The following TBC1D9 variants were observed in gnomAD, a reference collection of about 807,000 sequenced individuals.
TBC1D9 encodes the protein TBC1 domain family member 9.
A neutral mutation model predicts 132.0 loss-of-function variants in TBC1D9; 63 were observed. The observed-to-expected ratio is 0.48, with a 90% CI of 0.39 to 0.59. The LOEUF (loss-of-function observed/expected upper bound fraction) is 0.59, where lower values mean the gene tolerates loss of function less well. TBC1D9 is among the 20% of genes least tolerant of loss of function. The probability of loss-of-function intolerance (pLI) is 0.00; values close to 1 mark genes in which losing one functional copy is unlikely to be tolerated. For synonymous variants in TBC1D9, 610 were observed against 609.9 expected, an observed-to-expected ratio of 1.00 and a Z score of 0.00; for missense variants, 1,261 against 1,592.7, an observed-to-expected ratio of 0.79 and a Z score of 3.54.
intron 2 of TBC1D9, among the ~76,000 whole-genome samples, chr4:140,700,469 A>C (rs1164988573): frequency 6.6e-6 from 1 of 151,658 alleles, no homozygotes; most frequent in Non-Finnish European, 1.5e-5. Flanking sequence ...ACAAAAAAAA[A>C]CTTGCCCAGT....
chr4:140,738,739 C>A (rs1214125837), intron 1 of TBC1D9, among the ~76,000 whole-genome samples: 1 of 152,176 alleles, frequency 6.6e-6, no homozygotes, highest in Non-Finnish European at 1.5e-5. Context: ...GTCTTCCAGT[C>A]AAATGTCCAA....
At chr4:140,666,579 C>G (rs905417375) in intron 9 of TBC1D9, among the ~76,000 whole-genome samples, 2 of 151,928 alleles carry the variant, frequency 1.3e-5, no homozygotes, top group African/African-American at 2.4e-5. Context: ...ACCTCGTGAT[C>G]CGCCCACCTC....
At chr4:140,660,901 T>G (rs1238740357) in intron 10 of TBC1D9, among the ~76,000 whole-genome samples, 1 of 147,468 alleles carries the variant, frequency 6.8e-6, no homozygotes, top group African/African-American at 2.5e-5. Context: ...TACAATGATA[T>G]AGCCTTTGAT....
chr4:140,654,577 T>G (rs796375068), intron 13 of TBC1D9, among the ~76,000 whole-genome samples: 3 of 152,088 alleles, frequency 2.0e-5, no homozygotes, highest in African/African-American at 7.2e-5. Flanking sequence ...CTTTTAACAA[T>G]AAAGGTCTGA....
chr4:140,665,263 A>T (rs961784354), intron 9 of TBC1D9, among the ~76,000 whole-genome samples: 14 of 152,264 alleles, frequency 9.2e-5, no homozygotes, highest in South Asian at 6.2e-4. Context: ...TTAAAATTAA[A>T]TTTTTTTGTG....
At position 140,745,351 on chromosome 4, in the gene TBC1D9, T is replaced by C. The variant is rs1292440636; in HGVS notation, c.130+10565A>G. On this transcript the variant is annotated intron_variant, in intron 1 of 20. Coordinates refer to ENST00000442267, the MANE Select transcript of TBC1D9 (RefSeq NM_015130.3). ...TTCCATTAGGAGCTAACATAAATTT[T>C]AACTGCTTTTGTATTACAGTTGACC... 2.6e-5 allele frequency among the ~76,000 whole-genome samples: 4 copies of C among 152,332 alleles called. No homozygotes were observed. The East Asian group carries it at 7.7e-4, about 29-fold the overall frequency.
intron 13 of TBC1D9, among the ~76,000 whole-genome samples, chr4:140,648,650 T>C (rs1402141193): frequency 6.6e-6 from 1 of 152,110 alleles, no homozygotes; most frequent in Non-Finnish European, 1.5e-5. Context: ...CCTCCCAAAG[T>C]ACTGAGATTA....
intron 15 of TBC1D9, among the ~76,000 whole-genome samples, chr4:140,635,636 T>C (rs12711386): frequency 0.61 from 93,197 of 152,086 alleles, 28,662 homozygotes; most frequent in South Asian, 0.67. Context: ...TCAATGTCTT[T>C]TCACAATTGT....
intron 16 of TBC1D9, among the ~76,000 whole-genome samples, chr4:140,631,725 T>C (rs1030611283): frequency 5.3e-5 from 8 of 151,900 alleles, no homozygotes; most frequent in Non-Finnish European, 7.4e-5. Context: ...GCCTCCTGAG[T>C]AGCTGGGATT....
intron 1 of TBC1D9, among the ~76,000 whole-genome samples, chr4:140,733,582 C>T (rs1009696906): frequency 3.3e-5 from 5 of 152,126 alleles, no homozygotes; most frequent in Non-Finnish European, 2.9e-5. Context: ...AAGTCATAAT[C>T]TTATTGACTA....
rs571858247 is a variant in TBC1D9 at position 140,678,094 on chromosome 4, T to G, written c.851+848A>C. ...AAGTCTGTATTTGCCTAGTTCCCTT[T>G]CCTTGTCTTTTATTTTTTATTTGAT... On this transcript the variant is annotated intron_variant, in intron 5 of 20. Coordinates refer to ENST00000442267, the MANE Select transcript of TBC1D9 (RefSeq NM_015130.3). 2.6e-5 allele frequency among the ~76,000 whole-genome samples: 4 copies of G among 152,316 alleles called. No homozygotes were observed. In the South Asian group the frequency reaches 8.3e-4, roughly 32 times the overall value.
At chr4:140,625,591 G>A (rs990474822) in intron 18 of TBC1D9, among the ~76,000 whole-genome samples, 5 of 152,198 alleles carry the variant, frequency 3.3e-5, no homozygotes, top group Non-Finnish European at 7.3e-5. Flanking sequence ...TGTACTATGT[G>A]TTGTTGGGAA....
chr4:140,643,799 C>T, intron 13 of TBC1D9: 2 of 811,806 alleles, frequency 2.5e-6, no homozygotes, highest in African/African-American at 1.7e-5. Flanking sequence ...TGCAGCCCTG[C>T]CCGGTGGCAC....
intron 9 of TBC1D9, among the ~76,000 whole-genome samples, chr4:140,662,420 G>A (rs1285611168): frequency 6.6e-6 from 1 of 152,190 alleles, no homozygotes; most frequent in Non-Finnish European, 1.5e-5. Context: ...AGGAGCACAG[G>A]TGGGGAGGTC....
chr4:140,655,201 C>T (rs575318266), intron 13 of TBC1D9, among the ~76,000 whole-genome samples: 4 of 151,872 alleles, frequency 2.6e-5, no homozygotes, highest in Non-Finnish European at 5.9e-5. Context: ...TCCTATTTCC[C>T]TACAATTTCT....
At chr4:140,661,741 G>A (rs1737364312) in intron 10 of TBC1D9, among the ~76,000 whole-genome samples, 152 bp downstream of exon 10, 1 of 152,202 alleles carries the variant, frequency 6.6e-6, no homozygotes, top group South Asian at 2.1e-4. Flanking sequence ...ACAACAAAGA[G>A]TTAACAGTCC....
chr4:140,643,927 G>T, intron 13 of TBC1D9: 1 of 670,850 alleles, frequency 1.5e-6, no homozygotes, highest in South Asian at 1.4e-5. Flanking sequence ...TCTGCGGGGC[G>T]CTCGTCCACA....
chr4:140,669,685 G>C lies in TBC1D9; in HGVS notation c.1386C>G (p.Thr462=). ...NGNSVPTATQ[T]LMTMYRRRSP... The stretch of plus-strand genomic sequence containing the variant: ...ACCGCCGCCGATACATGGTCATCAG[G>C]GTCTGTGTGGCTGTGGGGACGCTGT... The change falls in exon 8 of 21, where the codon ACC becomes ACG. Residue 462 remains threonine, a synonymous_variant. Transcript: ENST00000442267. The C allele has an allele frequency of 6.2e-7, 1 of 1,613,938 alleles. No individual in the cohort carries two copies. The highest frequency in any genetic ancestry group is 8.5e-7 in the Non-Finnish European group (1 of 1,179,862).
chr4:140,715,824 A>C (rs558578479), intron 1 of TBC1D9: 2 of 152,266 alleles, frequency 1.3e-5, no homozygotes, highest in Admixed American at 1.3e-4. Context: ...AGACTGAGGG[A>C]CCTCACAGAC....
Sources: gnomAD v4.1 joint callset for allele counts (sites outside exome capture counted in the v4.1 genomes callset) on GRCh38, gnomAD v4.1.1 for gene constraint, MANE v1.5 for transcripts, NCBI Gene and HGNC (gene_info 2026-07-23, HGNC 2026-07-21) for gene names.